Variants in XKR6 observed in about 807,000 individuals in gnomAD.
XKR6 encodes XK-related protein 6.
Under a neutral mutation model 56.7 loss-of-function variants are expected in XKR6, and 22 were observed. The ratio of observed to expected loss-of-function variants is 0.39; its 90% CI spans 0.28 to 0.55. XKR6 has a LOEUF of 0.55. XKR6 is among the 20% of genes least tolerant of loss of function. The pLI is 0.66. For synonymous variants in XKR6, 524 were observed against 387.8 expected (o/e 1.35, Z -4.13); for missense variants, 852 against 889.0 (o/e 0.96, Z 0.53).
chr8:11,008,797 C>T (rs557514956), intron 1 of XKR6, among the ~76,000 whole-genome samples: 7 of 152,200 alleles, frequency 4.6e-5, no homozygotes, highest in South Asian at 2.1e-4. Flanking sequence ...CACGGTCAAG[C>T]GCTCATATCA....
At chr8:11,122,339 C>T (rs552122215) in intron 1 of XKR6, among the ~76,000 whole-genome samples, 1 of 152,258 alleles carries the variant, frequency 6.6e-6, no homozygotes, top group African/African-American at 2.4e-5. Context: ...TTTTACTTTA[C>T]AGATCTCATA....
intron 1 of XKR6, among the ~76,000 whole-genome samples, chr8:10,977,721 A>C (rs564364013): frequency 6.6e-6 from 1 of 150,836 alleles, no homozygotes; most frequent in African/African-American, 2.4e-5. Flanking sequence ...GGGGTCATAG[A>C]ACGAGGAGAA....
chr8:11,152,042 T>A (rs988458948), intron 1 of XKR6, among the ~76,000 whole-genome samples: 1 of 152,146 alleles, frequency 6.6e-6, no homozygotes, highest in Admixed American at 6.5e-5. Context: ...CAAATTACTA[T>A]CAAAACAAAG....
At chr8:10,970,805 T>TAAAA (rs34166964) in intron 1 of XKR6, among the ~76,000 whole-genome samples, 45 of 133,158 alleles carry the variant, frequency 3.4e-4, no homozygotes, top group African/African-American at 1.2e-3. Context: ...AAAGGATCCT[T>TAAAA]AAAAAAAAAA....
intron 1 of XKR6, among the ~76,000 whole-genome samples, chr8:11,197,874 C>T (rs1159391667): frequency 6.6e-6 from 1 of 151,978 alleles, no homozygotes; most frequent in Non-Finnish European, 1.5e-5. Context: ...CGGTGTTGTG[C>T]TCTGTCCAAG....
intron 1 of XKR6, among the ~76,000 whole-genome samples, chr8:11,050,814 C>T (rs1799528346): frequency 6.6e-6 from 1 of 152,070 alleles, no homozygotes; most frequent in South Asian, 2.1e-4. Flanking sequence ...CCATTGGCCC[C>T]ATTCCTCAAC....
chr8:11,043,563 C>G (rs1050050970), intron 1 of XKR6, among the ~76,000 whole-genome samples: 16 of 152,248 alleles, frequency 1.1e-4, no homozygotes, highest in African/African-American at 3.6e-4. Flanking sequence ...AGGGCAGGCA[C>G]TGGGTCTTGC....
At chr8:11,009,328 T>C (rs1028971101) in intron 1 of XKR6, among the ~76,000 whole-genome samples, 1 of 152,022 alleles carries the variant, frequency 6.6e-6, no homozygotes, top group East Asian at 1.9e-4. Flanking sequence ...CTGGGTAACA[T>C]GGAGAGACCC....
intron 1 of XKR6, chr8:11,125,762 G>A (rs1312024918): frequency 6.6e-6 from 1 of 152,142 alleles, no homozygotes; most frequent in Non-Finnish European, 1.5e-5. Context: ...TCTGTCCACT[G>A]TTCTACATCT....
chr8:10,961,446 C>T (rs1243402105), intron 1 of XKR6, among the ~76,000 whole-genome samples: 16 of 152,158 alleles, frequency 1.1e-4, no homozygotes, highest in Non-Finnish European at 4.4e-5. Flanking sequence ...TGGCTAGGGG[C>T]GGCTGGGGAA....
intron 2 of XKR6, among the ~76,000 whole-genome samples, chr8:10,908,288 C>A (rs1800240907): frequency 6.6e-6 from 1 of 152,122 alleles, no homozygotes; most frequent in Admixed American, 6.5e-5. Flanking sequence ...TAAACTGCAG[C>A]ACGGCCAGCC....
intron 1 of XKR6, among the ~76,000 whole-genome samples, chr8:11,103,675 T>C (rs1344915640): frequency 1.3e-5 from 2 of 152,174 alleles, no homozygotes; most frequent in Non-Finnish European, 2.9e-5. Context: ...TGACTAAAAA[T>C]GGAGCTTGCT....
chr8:10,987,867 G>C (rs927803028), intron 1 of XKR6, among the ~76,000 whole-genome samples: 5 of 152,154 alleles, frequency 3.3e-5, no homozygotes, highest in African/African-American at 1.2e-4. Context: ...ATGGCTCTTA[G>C]CAGAATCCTG....
intron 1 of XKR6, among the ~76,000 whole-genome samples, chr8:11,057,385 G>T (rs1467485019): frequency 1.3e-5 from 2 of 152,160 alleles, no homozygotes; most frequent in Non-Finnish European, 2.9e-5. Flanking sequence ...AACAAACAGG[G>T]CCTGACACAA....
At chr8:10,941,055 G>A (rs1051725156) in intron 1 of XKR6, among the ~76,000 whole-genome samples, 12 of 152,276 alleles carry the variant, frequency 7.9e-5, no homozygotes, top group African/African-American at 1.2e-4. Flanking sequence ...GGGGCTCCTC[G>A]ATGACTCCTG....
rs1227305879 is a variant in XKR6, at chr8:11,201,395, G to GA, written c.-57dup. ...GGGGGAGGGACGGCGGGGGGGGGGG[G>GA]AAGAAGGCAGGGAACGGGGAGGGGG... On this transcript the variant is annotated 5_prime_UTR_variant, in exon 1 of 3. Transcript: ENST00000416569. 2.6e-6 allele frequency: 1 copy of GA among 378,686 alleles called. No homozygotes were observed. Among genetic ancestry groups the GA allele is most frequent in the Non-Finnish European group, 4.3e-6 (1 of 235,154 alleles). 23.5% of individuals were successfully genotyped at this position (378,686 alleles called of 1,614,324 possible).
At chr8:11,153,779 G>A (rs931864141) in intron 1 of XKR6, among the ~76,000 whole-genome samples, 7 of 152,074 alleles carry the variant, frequency 4.6e-5, no homozygotes, top group Admixed American at 6.6e-5. Context: ...AGGTATCTTG[G>A]ACTCCTTCCT....
Position 11,039,644 on chromosome 8 carries a change from G to A in XKR6, c.765-114814C>T, listed in dbSNP as rs1455780581. ...CTGGTGCGAGAGGGGAGAGCCCGGC[G>A]GTAACAGTTCCAGCCTGGTGGCCCA... On this transcript the variant is annotated intron_variant, in intron 1 of 2. Transcript: ENST00000416569. Among the ~76,000 whole-genome samples, 11 of 152,354 alleles carry A rather than the reference G, an allele frequency of 7.2e-5. No homozygotes were observed. The South Asian group carries it at 1.0e-3, about 14-fold the overall frequency.
At chr8:11,139,201 A>C (rs1003070454) in intron 1 of XKR6, among the ~76,000 whole-genome samples, 2 of 152,254 alleles carry the variant, frequency 1.3e-5, no homozygotes, top group African/African-American at 4.8e-5. Flanking sequence ...CCATGAAATA[A>C]GATAAAATTC....
Sources: allele counts gnomAD v4.1 joint callset (sites outside exome capture counted in the v4.1 genomes callset), GRCh38; gene constraint gnomAD v4.1.1; transcripts MANE v1.5; gene names NCBI Gene and HGNC (gene_info 2026-07-23, HGNC 2026-07-21).